The following NDUFAF6 variants were observed in gnomAD, a reference collection of about 807,000 sequenced individuals.
NDUFAF6 encodes NADH dehydrogenase (ubiquinone) complex I, assembly factor 6.
NDUFAF6 carries 45 observed loss-of-function variants against 40.8 expected under a neutral mutation model. The observed-to-expected ratio is 1.10, with a 90% confidence interval of 0.87 to 1.42. The LOEUF is 1.42. Among genes scored for constraint, NDUFAF6 ranks in the 40% most tolerant of loss-of-function variants. The pLI, the probability that NDUFAF6 is intolerant of heterozygous loss-of-function variation, is 0.00. For synonymous variants in NDUFAF6, 185 were observed against 155.9 expected (o/e 1.19, Z -1.39); for missense variants, 435 against 418.5 (o/e 1.04, Z -0.34).
chr8:94,996,187 C>A (rs556974912), intron 2 of NDUFAF6, among the ~76,000 whole-genome samples: 1 of 152,294 alleles, frequency 6.6e-6, no homozygotes, highest in South Asian at 2.1e-4. Flanking sequence ...ATATAGCAAT[C>A]CCAAGCCTCC....
At chr8:94,941,197 C>T in intron 1 of NDUFAF6, 1 of 327,924 alleles carries the variant, frequency 3.0e-6, no homozygotes. Context: ...ATGCCTTGGC[C>T]TACATTCTAC....
chr8:94,950,956 C>T (rs1189349448), intron 2 of NDUFAF6: 1 of 152,110 alleles, frequency 6.6e-6, no homozygotes, highest in Non-Finnish European at 1.5e-5. Context: ...GATCATTTTT[C>T]CAAAGATGAC....
intron 1 of NDUFAF6, among the ~76,000 whole-genome samples, chr8:94,980,446 T>TG (rs1563766478): frequency 9.8e-5 from 14 of 142,828 alleles, no homozygotes; most frequent in African/African-American, 2.4e-4. Context: ...TTTTTTGTTT[T>TG]TTTTTTTTTT....
At chr8:95,024,828 CAA>C (rs1227567152), upstream of NDUFAF6, among the ~76,000 whole-genome samples, 3 of 152,198 alleles carry the variant, frequency 2.0e-5, no homozygotes, top group Non-Finnish European at 4.4e-5. Flanking sequence ...GAACGAAGGC[CAA>C]AGAGTCGCGG....
chr8:95,037,440 A>C (rs1829631776), intron 3 of NDUFAF6, among the ~76,000 whole-genome samples: 1 of 152,166 alleles, frequency 6.6e-6, no homozygotes. Context: ...AGGTCCACAA[A>C]ATCAAACATG....
intron 2 of NDUFAF6, among the ~76,000 whole-genome samples, chr8:95,006,354 TCAAAAA>T (rs1826981116): frequency 1.3e-4 from 1 of 7,852 alleles, no homozygotes; most frequent in African/African-American, 5.7e-4. Flanking sequence ...AGACTCCGTC[TCAAAAA>T]AAAAAAAAAA....
At chr8:94,980,442 G>GTTTTTTTTTTTTTTTTTTTTT (rs869184585) in intron 1 of NDUFAF6, among the ~76,000 whole-genome samples, 1 of 107,902 alleles carries the variant, frequency 9.3e-6, no homozygotes, top group Non-Finnish European at 1.9e-5. Flanking sequence ...TGGTTTTTTT[G>GTTTTTTTTTTTTTTTTTTTTT]TTTTTTTTTT....
Position 95,058,540 on chromosome 8 carries a change from T to C in NDUFAF6, c.*603T>C. The C allele has an allele frequency of 1.6e-6, 2 of 1,221,924 alleles. No individual in the cohort carries two copies. Among genetic ancestry groups the C allele is most frequent in the Non-Finnish European group, 2.0e-6 (2 of 982,362 alleles). 75.7% of individuals were successfully genotyped at this position (1,221,924 alleles called of 1,614,324 possible). ...GTGGCTGGCAAGAGCAGAGCCTTAA[T>C]TTGACTTTAGCTCTGGCTGGTCTGG... On this transcript the variant is annotated 3_prime_UTR_variant, in exon 9 of 9. Transcript: ENST00000396124.
chr8:94,932,234 A>G lies in NDUFAF6; in HGVS notation c.-935-13249A>G, dbSNP rs1045417432. 16 of 939,256 alleles carry G rather than the reference A, an allele frequency of 1.7e-5. No homozygotes were observed. In the Admixed American group the frequency reaches 3.4e-4, roughly 20 times the overall value. 58.2% of individuals were successfully genotyped at this position (939,256 alleles called of 1,614,324 possible). On this transcript the variant is annotated intron_variant, in intron 1 of 14. Coordinates refer to the NDUFAF6 transcript ENST00000396113. Reference sequence around the variant, plus strand: ...ACTATGTGCCATTAAAGGCACGTACATGTGCTTAAGATAACATGTAAAACC... The same window carrying G: ...ACTATGTGCCATTAAAGGCACGTACGTGTGCTTAAGATAACATGTAAAACC...
intron 4 of NDUFAF6, 112 bp from the exon 5 acceptor site, chr8:95,045,433 A>T: frequency 1.4e-6 from 1 of 736,354 alleles, no homozygotes; most frequent in Non-Finnish European, 2.4e-6. Flanking sequence ...ACTAAATAAC[A>T]TATACTGAAT....
chr8:94,990,848 A>C (rs1415455356), intron 2 of NDUFAF6, among the ~76,000 whole-genome samples: 1 of 152,258 alleles, frequency 6.6e-6, no homozygotes, highest in Non-Finnish European at 1.5e-5. Context: ...ACTGGGTGCC[A>C]AAGCTTCCTC....
chr8:95,115,863 C>G (rs1354777030), intron 5 of NDUFAF6: 1 of 152,230 alleles, frequency 6.6e-6, no homozygotes. Flanking sequence ...GTCCGCCGGG[C>G]GCGGTGGCTC....
upstream of NDUFAF6, among the ~76,000 whole-genome samples, chr8:94,956,888 G>A (rs941448994): frequency 1.3e-5 from 2 of 152,108 alleles, no homozygotes; most frequent in African/African-American, 2.4e-5. Context: ...AAGGGAATGG[G>A]GGCCAGGCGC....
At chr8:95,075,534 C>T (rs73262412) in intron 9 of NDUFAF6, 3 of 998,376 alleles carry the variant, frequency 3.0e-6, no homozygotes, top group African/African-American at 3.3e-5. Context: ...GGATTTTATC[C>T]TCCCCAGGCC....
chr8:94,902,418 C>CAAA (rs369670770), intron 1 of NDUFAF6, among the ~76,000 whole-genome samples: 3 of 132,510 alleles, frequency 2.3e-5, no homozygotes, highest in Admixed American at 7.6e-5. Context: ...GGCCCTGTCT[C>CAAA]AAAAAAAAAA....
At chr8:94,999,428 T>C (rs1278821186) in intron 2 of NDUFAF6, among the ~76,000 whole-genome samples, 3 of 147,226 alleles carry the variant, frequency 2.0e-5, no homozygotes, top group African/African-American at 7.6e-5. Context: ...AGCCTCTTTT[T>C]TTCTTTTGAG....
At chr8:95,065,648 T>C (rs1232716259) in intron 9 of NDUFAF6, among the ~76,000 whole-genome samples, 1 of 152,210 alleles carries the variant, frequency 6.6e-6, no homozygotes, top group African/African-American at 2.4e-5. Context: ...CTCCCAGCCT[T>C]ATGAGGTCTA....
intron 4 of NDUFAF6, chr8:95,044,487 T>G (rs561021166): frequency 1.4e-5 from 2 of 141,076 alleles, no homozygotes; most frequent in East Asian, 4.3e-4. Flanking sequence ...AGTCTCACTC[T>G]TGTCGCCCAG....
chr8:94,934,818 T>C (rs1288108084), intron 1 of NDUFAF6, among the ~76,000 whole-genome samples: 1 of 152,178 alleles, frequency 6.6e-6, no homozygotes, highest in East Asian at 1.9e-4. Flanking sequence ...TAAATTTTTG[T>C]TGGAATGCCT....
Sources: gnomAD v4.1 joint callset for allele counts (sites outside exome capture counted in the v4.1 genomes callset) on GRCh38, gnomAD v4.1.1 for gene constraint, MANE v1.5 for transcripts, NCBI Gene and HGNC (gene_info 2026-07-23, HGNC 2026-07-21) for gene names.